DNMBP: variants seen among roughly 807,000 people sequenced by gnomAD.
DNMBP encodes dynamin binding protein.
A neutral mutation model predicts 150.0 loss-of-function variants in DNMBP; 87 were observed. The ratio of observed to expected loss-of-function variants is 0.58; its 90% CI spans 0.49 to 0.69. The LOEUF is 0.69. Ranked by LOEUF, DNMBP falls within the 30% of genes least tolerant of loss-of-function variation. The pLI is 0.00. For synonymous variants in DNMBP, 711 were observed against 750.4 expected, an observed-to-expected ratio of 0.95 and a Z score of 0.86; for missense variants, 1,774 against 1,949.0, an observed-to-expected ratio of 0.91 and a Z score of 1.69.
intron 4 of DNMBP, among the ~76,000 whole-genome samples, chr10:99,911,124 C>G (rs886671844): frequency 2.6e-5 from 4 of 152,084 alleles, no homozygotes; most frequent in Non-Finnish European, 5.9e-5. Flanking sequence ...ACCTATAGTC[C>G]CAGCTACTCA....
chr10:99,946,532 A>C (rs1414179424), intron 4 of DNMBP, among the ~76,000 whole-genome samples: 1 of 152,228 alleles, frequency 6.6e-6, no homozygotes, highest in Admixed American at 6.5e-5. Context: ...CTATACAATA[A>C]ATGGTACTGG....
Position 99,879,840 on chromosome 10 carries a change from G to A in DNMBP, c.4519C>T (p.Pro1507Ser). 5 of 1,614,200 alleles carry A rather than the reference G, an allele frequency of 3.1e-6. No homozygotes were observed. ...TTGCCTTCTGCCTCACTGCCATCTG[G>A]CTCTGTACTTCTGTCTTCCGGAGCC... ...AQAPEDRSTEPDGSEAEGNQV... is the reference protein window; with the variant it reads ...AQAPEDRSTESDGSEAEGNQV... Residue 1507 changes from proline (P) to serine (S), a missense_variant, in exon 16 of 17, where the codon CCA (proline) becomes TCA (serine). Pro to Ser is a moderately conservative substitution (Grantham distance 74). Around this residue, in one of 2 missense-constraint regions of DNMBP, gnomAD observed 1,430 missense variants for 1,492.5 expected, o/e 0.96. Coordinates refer to ENST00000324109, the MANE Select transcript of DNMBP (RefSeq NM_015221.4).
intron 12 of DNMBP, 124 bp from the exon 13 acceptor site, chr10:99,886,756 C>CTAAA: frequency 1.3e-6 from 1 of 797,922 alleles, no homozygotes; most frequent in Non-Finnish European, 2.0e-6. Context: ...AGTACACAAG[C>CTAAA]TAAACCCATA....
chr10:99,964,002 AG>A (rs1188022409), intron 3 of DNMBP, among the ~76,000 whole-genome samples: 7 of 152,014 alleles, frequency 4.6e-5, no homozygotes, highest in Admixed American at 3.3e-4. Context: ...CTGTTGTTTG[AG>A]GGGGCAGGTT....
chr10:99,909,685 C>T lies in DNMBP; in HGVS notation c.2261-539G>A, dbSNP rs1017431405. 2.0e-5 allele frequency among the ~76,000 whole-genome samples: 3 copies of T among 152,164 alleles called. 1 individual carries two copies. The highest frequency in any genetic ancestry group is 7.2e-5 in the African/African-American group (3 of 41,428). ...TCCAGTCACTGTAATGGTAGGTCAA[C>T]ACTAGCATATAATGAAATAGGTAAA... On this transcript the variant is annotated intron_variant, in intron 4 of 16. Coordinates refer to ENST00000324109, the MANE Select transcript of DNMBP (RefSeq NM_015221.4).
At chr10:99,888,234 A>G (rs2039501153) in intron 12 of DNMBP, among the ~76,000 whole-genome samples, 1 of 89,614 alleles carries the variant, frequency 1.1e-5, no homozygotes, top group African/African-American at 3.6e-5. Flanking sequence ...GTTTTGAGGC[A>G]GAGTCTTGCT....
intron 11 of DNMBP, among the ~76,000 whole-genome samples, chr10:99,892,300 C>T (rs1364746460): frequency 2.0e-5 from 3 of 147,400 alleles, no homozygotes; most frequent in Non-Finnish European, 4.5e-5. Context: ...ACAATGGCGG[C>T]TTTGTGGAAT....
At position 99,902,053 on chromosome 10, in the gene DNMBP, G is replaced by A. The variant is rs558495231; in HGVS notation, c.2555-1987C>T. Among the ~76,000 whole-genome samples, 196 of 151,778 alleles carry A rather than the reference G, an allele frequency of 1.3e-3. 2 individuals are homozygous for A. The highest frequency in any genetic ancestry group is 4.7e-3 in the Admixed American group (72 of 15,222). ...GAGTAGCTGGGACACCACCACACCT[G>A]CTAATTTTTGCATTTTTTGGTAGAC... On this transcript the variant is annotated intron_variant, in intron 6 of 16. Transcript: ENST00000324109.
intron 1 of DNMBP, among the ~76,000 whole-genome samples, chr10:99,974,232 T>C (rs1008208721): frequency 7.2e-5 from 11 of 152,346 alleles, no homozygotes; most frequent in Non-Finnish European, 1.3e-4. Context: ...AGATCAAGTA[T>C]ATGTTTTTGG....
At chr10:99,941,652 G>C (rs182872411) in intron 4 of DNMBP, among the ~76,000 whole-genome samples, 2 of 152,146 alleles carry the variant, frequency 1.3e-5, no homozygotes, top group Admixed American at 6.5e-5. Context: ...ATTTTTAGTA[G>C]AGACGGGGTT....
chr10:99,904,947 G>C (rs1210026198), intron 6 of DNMBP, among the ~76,000 whole-genome samples: 3 of 152,056 alleles, frequency 2.0e-5, no homozygotes, highest in South Asian at 2.1e-4. Flanking sequence ...TGCAGAAGCT[G>C]GTTAACTCCA....
chr10:99,974,941 AC>A (rs550517257), intron 1 of DNMBP, among the ~76,000 whole-genome samples: 156 of 151,878 alleles, frequency 1.0e-3, no homozygotes, highest in Non-Finnish European at 1.6e-3. Context: ...TTTTTTTTGT[AC>A]CTTTTTGTAG....
chr10:99,986,569 T>A (rs1335610606), intron 1 of DNMBP, among the ~76,000 whole-genome samples: 1 of 119,142 alleles, frequency 8.4e-6, no homozygotes, highest in Non-Finnish European at 1.6e-5. Context: ...TACTCCAGCC[T>A]GGGAGACAGA....
chr10:100,006,370 G>A (rs2041071235), intron 1 of DNMBP, among the ~76,000 whole-genome samples: 1 of 152,080 alleles, frequency 6.6e-6, no homozygotes, highest in African/African-American at 2.4e-5. Context: ...TGCACTACTT[G>A]AAAACTTAAA....
chr10:99,918,444 G>C (rs1012819782), intron 4 of DNMBP, among the ~76,000 whole-genome samples: 3 of 152,022 alleles, frequency 2.0e-5, no homozygotes, highest in African/African-American at 7.2e-5. Context: ...TAAAATCCCT[G>C]CTGGGAGAAA....
Position 99,909,936 on chromosome 10 carries a change from TGA to T in DNMBP, c.2261-792_2261-791del, listed in dbSNP as rs559618471. On this transcript the variant is annotated intron_variant, in intron 4 of 16. Transcript: ENST00000324109. The stretch of plus-strand genomic sequence containing the variant: ...CTGACTATTACTTAGATACACAGGA[TGA>T]GAGAGTTATCTATAAACATGGAACA... 5.4e-4 allele frequency among the ~76,000 whole-genome samples: 83 copies of T among 152,356 alleles called. 1 individual carries two copies. Among genetic ancestry groups the T allele is most frequent in the Middle Eastern group, 6.8e-3 (2 of 294 alleles).
intron 4 of DNMBP, among the ~76,000 whole-genome samples, chr10:99,939,196 C>T (rs563804133): frequency 2.4e-4 from 36 of 152,210 alleles, no homozygotes; most frequent in Middle Eastern, 3.4e-3. Flanking sequence ...TGTTGTTGCT[C>T]CACTGAGGGT....
intron 4 of DNMBP, among the ~76,000 whole-genome samples, chr10:99,931,931 C>T (rs546362275): frequency 7.2e-5 from 11 of 152,328 alleles, no homozygotes; most frequent in African/African-American, 2.6e-4. Flanking sequence ...AGGATCTCTG[C>T]AGACTTCACA....
chr10:99,914,102 T>C (rs2039935225), intron 4 of DNMBP: 2 of 1,372,396 alleles, frequency 1.5e-6, no homozygotes, highest in Non-Finnish European at 1.9e-6. Context: ...CACATTTACA[T>C]ATGAATCGCG....
Sources: allele counts gnomAD v4.1 joint callset (sites outside exome capture counted in the v4.1 genomes callset), GRCh38; gene constraint gnomAD v4.1.1; regional missense constraint gnomAD v4.1.1; transcripts MANE v1.5; gene names NCBI Gene and HGNC (gene_info 2026-07-23, HGNC 2026-07-21).